CNBD1: variants seen among roughly 807,000 people sequenced by gnomAD.
CNBD1 encodes the protein cyclic nucleotide binding domain containing 1.
Under a neutral mutation model 54.4 loss-of-function variants are expected in CNBD1, and 71 were observed. The ratio of observed to expected loss-of-function variants is 1.30; its 90% CI spans 1.08 to 1.59. CNBD1 has a LOEUF of 1.59. Ranked by LOEUF, CNBD1 falls within the 40% of genes most tolerant of loss-of-function variation. The pLI is 0.00. For missense variants in CNBD1, 659 were observed against 518.0 expected, an observed-to-expected ratio of 1.27 and a Z score of -2.64; for synonymous variants, 182 against 170.7, an observed-to-expected ratio of 1.07 and a Z score of -0.51.
At chr8:87,357,378 G>T (rs1402238524) in intron 10 of CNBD1, among the ~76,000 whole-genome samples, 1 of 152,198 alleles carries the variant, frequency 6.6e-6, no homozygotes, top group Non-Finnish European at 1.5e-5. Flanking sequence ...CACGTGGGCT[G>T]CATCCAGCAA....
At chr8:87,408,597 T>A (rs1230148182) in intron 2 of CNBD1, among the ~76,000 whole-genome samples, 1 of 152,112 alleles carries the variant, frequency 6.6e-6, no homozygotes, top group Non-Finnish European at 1.5e-5. Context: ...TACTCATTCC[T>A]CAGTTTATCG....
intron 5 of CNBD1, among the ~76,000 whole-genome samples, chr8:87,207,762 C>T (rs1034746710): frequency 8.5e-5 from 13 of 152,058 alleles, no homozygotes; most frequent in Admixed American, 3.3e-4. Flanking sequence ...ACGTGATTGA[C>T]GATTAAAATA....
intron 4 of CNBD1, among the ~76,000 whole-genome samples, chr8:87,019,455 G>A (rs943587377): frequency 2.6e-5 from 4 of 152,124 alleles, no homozygotes; most frequent in Non-Finnish European, 5.9e-5. Flanking sequence ...CAAAAGTGGG[G>A]AGAAAAATAG....
rs186153291 is a variant in CNBD1, at chr8:87,170,748, T to A, written c.432-35245T>A. ...GGGATGTTGAATTTTATCAAATGCT[T>A]TTTCAGCATCGATTGAAATGATCAC... On this transcript the variant is annotated intron_variant, in intron 4 of 10. Coordinates refer to ENST00000518476, the MANE Select transcript of CNBD1 (RefSeq NM_173538.3). Among the ~76,000 whole-genome samples, 20 of 152,316 alleles carry A rather than the reference T, an allele frequency of 1.3e-4. No homozygotes were observed. The East Asian group carries it at 3.7e-3, about 28-fold the overall frequency.
chr8:87,393,305 T>C (rs1424212905), intron 2 of CNBD1, among the ~76,000 whole-genome samples: 1 of 151,884 alleles, frequency 6.6e-6, no homozygotes, highest in Admixed American at 6.6e-5. Context: ...TGTTTCTTGC[T>C]CTTTTGATAA....
intron 8 of CNBD1, among the ~76,000 whole-genome samples, chr8:87,334,976 G>A (rs191594405): frequency 4.3e-4 from 66 of 151,898 alleles, no homozygotes; most frequent in Non-Finnish European, 6.6e-4. Context: ...CACCCACCTC[G>A]GCCTCCCAAA....
chr8:87,370,119 G>C (rs1455732752), intron 10 of CNBD1, among the ~76,000 whole-genome samples: 2 of 151,722 alleles, frequency 1.3e-5, no homozygotes, highest in South Asian at 4.2e-4. Context: ...TCTTAATCCA[G>C]TCTATCATTG....
intron 2 of CNBD1, among the ~76,000 whole-genome samples, chr8:86,892,976 G>T (rs1808795236): frequency 6.6e-6 from 1 of 152,132 alleles, no homozygotes; most frequent in Admixed American, 6.5e-5. Context: ...AAAGGGAGGA[G>T]AGCTTTAAAA....
intron 4 of CNBD1, among the ~76,000 whole-genome samples, chr8:87,024,623 T>C (rs1206895172): frequency 6.6e-6 from 1 of 152,180 alleles, no homozygotes; most frequent in Admixed American, 6.5e-5. Flanking sequence ...ATTATAGGCA[T>C]GAGCCACCAC....
intron 6 of CNBD1, among the ~76,000 whole-genome samples, chr8:87,262,758 A>G (rs534211993): frequency 2.0e-5 from 3 of 152,302 alleles, no homozygotes; most frequent in African/African-American, 7.2e-5. Flanking sequence ...TCCAAAAAAT[A>G]TAAACACTTT....
chr8:87,251,595 G>GAAAAAAAAAA (rs34264085), intron 6 of CNBD1, among the ~76,000 whole-genome samples: 14 of 135,348 alleles, frequency 1.0e-4, no homozygotes, highest in Non-Finnish European at 2.2e-4. Context: ...TCTCAAAAAA[G>GAAAAAAAAAA]AAAAAAAAAA....
chr8:87,334,519 C>T (rs1224335242), intron 8 of CNBD1, among the ~76,000 whole-genome samples: 3 of 151,896 alleles, frequency 2.0e-5, no homozygotes, highest in Non-Finnish European at 4.4e-5. Context: ...GCATTTAGTG[C>T]TATAAATTTC....
intron 2 of CNBD1, among the ~76,000 whole-genome samples, chr8:87,425,923 T>G (rs2130997174): frequency 6.6e-6 from 1 of 152,282 alleles, no homozygotes; most frequent in East Asian, 1.9e-4. Context: ...CCAGCCTCAC[T>G]GCTGCCTTGC....
At chr8:87,235,011 A>G (rs188854494) in intron 5 of CNBD1, among the ~76,000 whole-genome samples, 1 of 152,284 alleles carries the variant, frequency 6.6e-6, no homozygotes, top group East Asian at 1.9e-4. Context: ...TTCACCTTGC[A>G]CTTTATGTTA....
intron 4 of CNBD1, among the ~76,000 whole-genome samples, chr8:87,175,758 C>A (rs944830092): frequency 1.3e-5 from 2 of 152,206 alleles, no homozygotes; most frequent in Non-Finnish European, 2.9e-5. Flanking sequence ...TGCCTGCCCC[C>A]CAAGCTCGCT....
chr8:87,156,545 C>T (rs572085283), intron 4 of CNBD1, among the ~76,000 whole-genome samples: 13 of 152,008 alleles, frequency 8.6e-5, no homozygotes, highest in African/African-American at 2.9e-4. Flanking sequence ...CACCTGGCCT[C>T]CCATGATACT....
chr8:87,032,914 T>G (rs2130596909), intron 4 of CNBD1, among the ~76,000 whole-genome samples: 1 of 152,306 alleles, frequency 6.6e-6, no homozygotes, highest in South Asian at 2.1e-4. Flanking sequence ...TCTTCTGGTG[T>G]GGTGTCTACT....
intron 4 of CNBD1, among the ~76,000 whole-genome samples, chr8:87,194,838 G>T (rs1294859789): frequency 6.6e-6 from 1 of 151,936 alleles, no homozygotes; most frequent in Non-Finnish European, 1.5e-5. Context: ...TTTGCAACAT[G>T]ATTTGTTCTT....
In CNBD1 at chr8:86,968,975, G is replaced by A. The variant is rs555116373; in HGVS notation, c.431+29221G>A. The stretch of plus-strand genomic sequence containing the variant: ...AGGGTAGAGATCTTGGAGCCCACAA[G>A]GAATTTTCTTGTGGGCAAATTGTGA... On this transcript the variant is annotated intron_variant, in intron 4 of 10. Transcript: ENST00000518476. Among the ~76,000 whole-genome samples the A allele has an allele frequency of 1.1e-4, 16 of 152,212 alleles. No individual in the cohort carries two copies. The South Asian group carries it at 3.3e-3, about 32-fold the overall frequency.
Sources: allele counts gnomAD v4.1 joint callset (sites outside exome capture counted in the v4.1 genomes callset), GRCh38; gene constraint gnomAD v4.1.1; transcripts MANE v1.5; gene names NCBI Gene and HGNC (gene_info 2026-07-23, HGNC 2026-07-21).